LSM4: variants seen among roughly 807,000 people sequenced by gnomAD.
LSM4 encodes LSM4 homolog, U6 small nuclear RNA and mRNA degradation associated.
LSM4 carries 15 observed loss-of-function variants against 22.3 expected under a neutral mutation model. The ratio of observed to expected loss-of-function variants is 0.67; its 90% CI spans 0.45 to 1.03. The LOEUF is 1.03. LSM4 is among the 50% of genes least tolerant of loss of function. The pLI is 0.00. For synonymous variants in LSM4, 90 were observed against 79.8 expected, an observed-to-expected ratio of 1.13 and a Z score of -0.68; for missense variants, 127 against 198.0, an observed-to-expected ratio of 0.64 and a Z score of 2.15.
rs758303102 is a variant in LSM4, at chr19:18,307,541, G to T, written c.343C>A (p.Arg115=). ...GTGCCCGGGATCCCACCTCGGCCCCGGCCACCAAACACACCTAGAGGACAG... is the reference window on the plus strand; with the variant it reads ...GTGCCCGGGATCCCACCTCGGCCCCTGCCACCAAACACACCTAGAGGACAG... ...GGAGRGVFGG[R]GRGGIPGTGR... The change falls in exon 5 of 5, where the codon CGG becomes AGG. Residue 115 remains arginine (R), a synonymous_variant. Transcript: ENST00000593829. 6.5e-7 allele frequency: 1 copy of T among 1,543,380 alleles called. No homozygotes were observed. Among genetic ancestry groups the T allele is most frequent in the East Asian group, 2.5e-5 (1 of 39,762 alleles).
At chr19:18,320,906 T>C (rs1970418506) in intron 1 of LSM4, among the ~76,000 whole-genome samples, 1 of 152,222 alleles carries the variant, frequency 6.6e-6, no homozygotes, top group Non-Finnish European at 1.5e-5. Context: ...AGAGAATTCC[T>C]TTCTCTGGGC....
In LSM4 at chr19:18,311,998, G is replaced by A. The variant is rs566087355; in HGVS notation, c.144+606C>T. On this transcript the variant is annotated intron_variant, in intron 3 of 4. Coordinates refer to ENST00000593829, the MANE Select transcript of LSM4 (RefSeq NM_012321.5). ...TTGGTGGGAGGAGTCCAAGGGAGCC[G>A]CTGCCTTCAGCACCATCCCTGGCCT... is the stretch of plus-strand genomic sequence containing the variant. 8.1e-4 allele frequency among the ~76,000 whole-genome samples: 124 copies of A among 152,258 alleles called. 2 individuals carry two copies. Among genetic ancestry groups the A allele is most frequent in the African/African-American group, 2.8e-3 (117 of 41,534 alleles).
intron 1 of LSM4, among the ~76,000 whole-genome samples, chr19:18,321,055 C>T (rs1003722343): frequency 3.9e-5 from 6 of 152,180 alleles, no homozygotes; most frequent in African/African-American, 1.2e-4. Context: ...CCTGCCCTGA[C>T]GACAGGGAAC....
chr19:18,312,635 A>G lies in LSM4; in HGVS notation c.113T>C (p.Ile38Thr). The stretch of plus-strand genomic sequence containing the variant: ...CGTGCAGATGACTTCTCGCAGGTTA[A>G]TGTTCATCCAGTTGTCGCAGCTCAC... Reference protein sequence around the residue: ...HLVSCDNWMNINLREVICTSR... With the variant: ...HLVSCDNWMNTNLREVICTSR... The change falls in exon 3 of 5, where the codon ATT becomes ACT. Residue 38 changes from isoleucine to threonine, a missense_variant. Ile to Thr is a moderately conservative substitution (Grantham distance 89). Transcript: ENST00000593829. 6.2e-7 allele frequency: 1 copy of G among 1,614,036 alleles called. No individual in the cohort carries two copies. The highest frequency in any genetic ancestry group is 8.5e-7 in the Non-Finnish European group (1 of 1,179,920).
intron 2 of LSM4, 90 bp from the exon 3 acceptor site, chr19:18,312,792 C>A: frequency 1.0e-6 from 1 of 959,550 alleles, no homozygotes; most frequent in Non-Finnish European, 1.7e-6. Flanking sequence ...CTGAGATGGA[C>A]CACCACCTCC....
In LSM4 at chr19:18,309,683, C is replaced by T; in HGVS notation, c.323G>A (p.Gly108Asp). ...ACTGGAGAGGGGAGACCCACCTCGGCCAGCGCCGCCCATGCCGCGGCCTTT... is the reference window on the plus strand; with the variant it reads ...ACTGGAGAGGGGAGACCCACCTCGGTCAGCGCCGCCCATGCCGCGGCCTTT... The part of the protein sequence containing the change: ...QQKGRGMGGA[G>D]RGVFGGRGRG... The change falls in exon 4 of 5, where the codon GGC (glycine) becomes GAC (aspartate). Residue 108 changes from glycine to aspartate, a missense_variant. Gly to Asp is a moderately conservative substitution (Grantham distance 94). Coordinates refer to ENST00000593829, the MANE Select transcript of LSM4 (RefSeq NM_012321.5). 1 of 1,599,486 alleles carries T rather than the reference C, an allele frequency of 6.3e-7. No homozygotes were observed. The highest frequency in any genetic ancestry group is 8.5e-7 in the Non-Finnish European group (1 of 1,174,654).
At chr19:18,308,511 G>C (rs1970258704) in intron 4 of LSM4, among the ~76,000 whole-genome samples, 1 of 152,264 alleles carries the variant, frequency 6.6e-6, no homozygotes, top group African/African-American at 2.4e-5. Context: ...AGCTGGCCCT[G>C]TGGCCCATGT....
intron 2 of LSM4, 147 bp from the exon 3 acceptor site, chr19:18,312,849 G>A (rs1970313555): frequency 1.6e-6 from 1 of 635,614 alleles, no homozygotes; most frequent in African/African-American, 1.8e-5. Context: ...CTTCCTTACA[G>A]GCGACAGGCT....
At chr19:18,308,183 G>A (rs1326881676) in intron 4 of LSM4, among the ~76,000 whole-genome samples, 1 of 152,132 alleles carries the variant, frequency 6.6e-6, no homozygotes, top group African/African-American at 2.4e-5. Flanking sequence ...CGGGAGATGA[G>A]GGCCCCAGGG....
rs746884455 is a variant in LSM4, at chr19:18,312,555, G to A, written c.144+49C>T. On this transcript the variant is annotated intron_variant, in intron 3 of 4. Transcript: ENST00000593829. ...GGCCCAGGGAGGGAGGGAGGAGGCT[G>A]AGTGTGCACCCCCTGCATCCCACCC... 3.3e-6 allele frequency: 5 copies of A among 1,494,964 alleles called. No homozygotes were observed. The South Asian group carries it at 5.7e-5, about 17-fold the overall frequency. 92.6% of individuals were successfully genotyped at this position (1,494,964 alleles called of 1,614,324 possible). A position where few individuals can be genotyped will look rare whatever the true frequency, so the allele number is the denominator to read the frequency against.
chr19:18,316,172 G>T (rs911440581), intron 1 of LSM4, 107 bp from the exon 2 acceptor site: 2 of 927,030 alleles, frequency 2.2e-6, no homozygotes. Context: ...GGTTGAGGGG[G>T]CACAGGAGTG....
chr19:18,312,556 A>G (rs1458935154), intron 3 of LSM4, 48 bp downstream of exon 3: 1 of 1,494,602 alleles, frequency 6.7e-7, no homozygotes. Flanking sequence ...GAGGAGGCTG[A>G]GTGTGCACCC....
chr19:18,315,979 C>G, intron 2 of LSM4, 45 bp downstream of exon 2: 1 of 1,598,756 alleles, frequency 6.3e-7, no homozygotes, highest in Non-Finnish European at 8.6e-7. Context: ...TGTGCTGAGG[C>G]TGGCCCCCTC....
At position 18,309,480 on chromosome 19, in the gene LSM4, C is replaced by T. The variant is rs147009369; in HGVS notation, c.328+198G>A. The T allele has an allele frequency of 2.3e-3, 1,334 of 581,898 alleles. 3 individuals carry two copies. The highest frequency in any genetic ancestry group is 3.5e-3 in the Non-Finnish European group (1,174 of 336,830). The allele number at this position is 581,898 out of a possible 1,614,324, so 36.0% of individuals were successfully genotyped here. A position where few individuals can be genotyped will look rare whatever the true frequency, so the allele number is the denominator to read the frequency against. On this transcript the variant is annotated intron_variant, in intron 4 of 4. Transcript: ENST00000593829. ...ATGTGCCCTGAGGACCGCCAGGAGG[C>T]GCAGTGAGAGGAGGGCTGAGTCCCA... is the stretch of plus-strand genomic sequence containing the variant.
chr19:18,316,061 G>A lies in LSM4; in HGVS notation c.8C>T (p.Pro3Leu). 2 of 1,613,648 alleles carry A rather than the reference G, an allele frequency of 1.2e-6. No homozygotes were observed. Among genetic ancestry groups the A allele is most frequent in the Non-Finnish European group, 1.7e-6 (2 of 1,179,740 alleles). ML[P>L]LSLLKTAQNH... The stretch of plus-strand genomic sequence containing the variant: ...CTGAGCCGTCTTCAGCAGTGACAAG[G>A]GAAGCTGAAAGGCAAATAAAGCCAC... The change falls in exon 2 of 5, where the codon CCC (proline) becomes CTC (leucine). Residue 3 changes from proline (P) to leucine (L), a missense_variant. Physicochemically the swap from Pro to Leu is moderately conservative, Grantham distance 98. Coordinates refer to ENST00000593829, the MANE Select transcript of LSM4 (RefSeq NM_012321.5).
At chr19:18,318,145 G>C (rs1057205881) in intron 1 of LSM4, among the ~76,000 whole-genome samples, 6 of 152,224 alleles carry the variant, frequency 3.9e-5, no homozygotes, top group African/African-American at 1.4e-4. Context: ...GCCTTTGCTG[G>C]GAGTCCTGCC....
intron 1 of LSM4, among the ~76,000 whole-genome samples, chr19:18,321,367 CT>C (rs1248633065): frequency 6.6e-6 from 1 of 152,162 alleles, no homozygotes; most frequent in Non-Finnish European, 1.5e-5. Context: ...TTGAAATCGC[CT>C]TTGCAAAAAT....
rs767630097 is a variant in LSM4, at chr19:18,309,736, G to A, written c.270C>T (p.Arg90=). 28 of 1,612,860 alleles carry A rather than the reference G, an allele frequency of 1.7e-5. No homozygotes were observed. Among genetic ancestry groups the A allele is most frequent in the African/African-American group, 1.5e-4 (11 of 74,874 alleles). Residue 90 remains arginine, a synonymous_variant, in exon 4 of 5, where the codon CGC becomes CGT. Transcript: ENST00000593829. ...GCTGCTTCTGCTGCTGCAGGCCTCC[G>A]CGGCCGCGGCCCTTGGCCACCACCT... ...KEEVVAKGRG[R]GGLQQQKQQK... is the part of the protein sequence containing the mutation.
At position 18,309,680 on chromosome 19, in the gene LSM4, C is replaced by G; in HGVS notation, c.326G>C (p.Arg109Pro). The change falls in exon 4 of 5, where the codon CGA (arginine) becomes CCA (proline). Residue 109 changes from arginine (R) to proline (P), a missense_variant and splice_region_variant. By Grantham distance (103) the Arg-to-Pro change is moderately radical. Coordinates refer to ENST00000593829, the MANE Select transcript of LSM4 (RefSeq NM_012321.5). ...QKGRGMGGAG[R>P]GVFGGRGRGG... ...TCCACTGGAGAGGGGAGACCCACCT[C>G]GGCCAGCGCCGCCCATGCCGCGGCC... is the stretch of plus-strand genomic sequence containing the variant. The G allele has an allele frequency of 1.3e-6, 2 of 1,597,628 alleles. No individual in the cohort carries two copies. Among genetic ancestry groups the G allele is most frequent in the Non-Finnish European group, 1.7e-6 (2 of 1,173,830 alleles).
Sources: gnomAD v4.1 joint callset for allele counts (sites outside exome capture counted in the v4.1 genomes callset) on GRCh38, gnomAD v4.1.1 for gene constraint, MANE v1.5 for transcripts, NCBI Gene and HGNC (gene_info 2026-07-23, HGNC 2026-07-21) for gene names.